DPP6: variants seen among roughly 807,000 people sequenced by gnomAD.
DPP6 encodes the protein A-type potassium channel modulatory protein DPP6.
In DPP6, 69 loss-of-function variants were observed where a neutral mutation model predicts 122.6. That is an observed-to-expected ratio of 0.56 (90% CI 0.46 to 0.69). DPP6 has a LOEUF of 0.69. Ranked by LOEUF, DPP6 falls within the 30% of genes least tolerant of loss-of-function variation. DPP6 has a pLI of 0.00. For synonymous variants in DPP6, 418 were observed against 433.1 expected (o/e 0.97, Z 0.43); for missense variants, 928 against 1,116.9 (o/e 0.83, Z 2.41).
intron 2 of DPP6, among the ~76,000 whole-genome samples, chr7:154,466,365 A>C (rs998097926): frequency 2.0e-4 from 31 of 152,210 alleles, no homozygotes; most frequent in African/African-American, 5.3e-4. Context: ...AAAAAAATAA[A>C]TAAATGCAGA....
chr7:154,552,039 C>T (rs990177012), intron 4 of DPP6, among the ~76,000 whole-genome samples: 2 of 152,156 alleles, frequency 1.3e-5, no homozygotes, highest in South Asian at 2.1e-4. Context: ...TCATTTTAGG[C>T]ATTTCAAAGG....
At chr7:154,441,678 G>A (rs949412550) in intron 1 of DPP6, among the ~76,000 whole-genome samples, 1 of 152,148 alleles carries the variant, frequency 6.6e-6, no homozygotes, top group Non-Finnish European at 1.5e-5. Flanking sequence ...AGAGGCGTGG[G>A]CTCTATCAGC....
intron 1 of DPP6, among the ~76,000 whole-genome samples, chr7:154,373,109 A>T (rs1338041191): frequency 6.6e-6 from 1 of 152,010 alleles, no homozygotes; most frequent in Admixed American, 6.6e-5. Flanking sequence ...TCTTTCATTT[A>T]AAAAAAATTC....
At chr7:153,843,883 A>C in the DPP6 span, among the ~76,000 whole-genome samples, 1 of 152,174 alleles carries the variant, frequency 6.6e-6, no homozygotes, top group Admixed American at 6.5e-5. Context: ...GTCAGACCAG[A>C]AATTCTCGGA....
At chr7:154,772,304 G>T (rs1023163382) in intron 9 of DPP6, among the ~76,000 whole-genome samples, 6 of 152,150 alleles carry the variant, frequency 3.9e-5, no homozygotes, top group Non-Finnish European at 7.3e-5. Flanking sequence ...GGGTGGAAGT[G>T]AGAACATCAG....
rs149850573 is a variant in DPP6, at chr7:154,198,267, G to C, written c.243+145204G>C. Among the ~76,000 whole-genome samples, 1,091 of 152,184 alleles carry C rather than the reference G, an allele frequency of 7.2e-3. 8 individuals carry two copies. Among genetic ancestry groups the C allele is most frequent in the African/African-American group, 0.025 (1,024 of 41,520 alleles). On this transcript the variant is annotated intron_variant, in intron 1 of 25. Coordinates refer to ENST00000377770, the MANE Select transcript of DPP6 (RefSeq NM_130797.4). ...TGTCTTACTACTACAGAGGGTGAGA[G>C]ACTGGACAAAGGGGCCCTCAGTGTA...
chr7:154,648,633 C>T (rs1461532417), intron 6 of DPP6, among the ~76,000 whole-genome samples: 1 of 151,998 alleles, frequency 6.6e-6, no homozygotes, highest in African/African-American at 2.4e-5. Context: ...AAAAATCACG[C>T]TTTCGGCCGG....
At chr7:154,856,831 G>A (rs1052619548) in intron 17 of DPP6, among the ~76,000 whole-genome samples, 8 of 152,262 alleles carry the variant, frequency 5.3e-5, no homozygotes, top group South Asian at 2.1e-4. Flanking sequence ...GGGACCCAGC[G>A]GCTTAAGAAA....
At chr7:154,423,683 G>T (rs1982860) in intron 1 of DPP6, among the ~76,000 whole-genome samples, 12 of 152,146 alleles carry the variant, frequency 7.9e-5, no homozygotes, top group Non-Finnish European at 1.5e-4. Flanking sequence ...CAGACAAAAA[G>T]GAATAAGCAA....
rs140334219 is a variant in DPP6, at chr7:154,652,861, C to T, written c.680+14988C>T. ...CTCCCTGAGTCGGAGCTGATACCAG[C>T]GAACGGCTTCAGAAAGTAAAAAACA... On this transcript the variant is annotated intron_variant, in intron 6 of 25. Coordinates refer to ENST00000377770, the MANE Select transcript of DPP6 (RefSeq NM_130797.4). Among the ~76,000 whole-genome samples the T allele has an allele frequency of 5.2e-3, 788 of 152,136 alleles. 3 individuals are homozygous for T. Among genetic ancestry groups the T allele is most frequent in the Middle Eastern group, 0.01 (3 of 292 alleles).
At chr7:153,934,298 C>T (rs1563023061) in intron 1 of DPP6, among the ~76,000 whole-genome samples, 1 of 151,852 alleles carries the variant, frequency 6.6e-6, no homozygotes, top group Non-Finnish European at 1.5e-5. Flanking sequence ...ATGTAGCCTT[C>T]GAGGGAATGT....
intron 1 of DPP6, among the ~76,000 whole-genome samples, chr7:154,340,464 C>T (rs1345293757): frequency 1.3e-5 from 2 of 152,200 alleles, no homozygotes; most frequent in East Asian, 3.9e-4. Flanking sequence ...TGAAGGAAAG[C>T]CCTTCATTCT....
chr7:153,782,074 A>AACG, the DPP6 span, among the ~76,000 whole-genome samples: 1 of 150,226 alleles, frequency 6.7e-6, no homozygotes, highest in Non-Finnish European at 1.5e-5. Flanking sequence ...GGTAGACACC[A>AACG]TGGTTTTCTC....
At chr7:154,090,927 T>C (rs961999551) in intron 1 of DPP6, among the ~76,000 whole-genome samples, 58 of 149,452 alleles carry the variant, frequency 3.9e-4, no homozygotes, top group Admixed American at 1.8e-3. Flanking sequence ...GAGACCATCC[T>C]GGCTAACACA....
chr7:153,781,290 G>C, the DPP6 span, among the ~76,000 whole-genome samples: 11 of 152,268 alleles, frequency 7.2e-5, no homozygotes, highest in South Asian at 2.1e-3. Flanking sequence ...ATGAGAAATA[G>C]CCCTGAAATT....
chr7:154,205,882 G>A (rs1313848385), intron 1 of DPP6, among the ~76,000 whole-genome samples: 1 of 152,196 alleles, frequency 6.6e-6, no homozygotes, highest in Non-Finnish European at 1.5e-5. Context: ...CACTGGAGCA[G>A]CCGTGGCCTC....
intron 1 of DPP6, among the ~76,000 whole-genome samples, chr7:153,987,736 T>C (rs1796923339): frequency 1.3e-5 from 2 of 152,110 alleles, no homozygotes; most frequent in African/African-American, 4.8e-5. Flanking sequence ...ACTTTCTCCA[T>C]CTGTTTCCCC....
At chr7:153,904,839 A>G (rs528850702) in intron 1 of DPP6, among the ~76,000 whole-genome samples, 9 of 152,352 alleles carry the variant, frequency 5.9e-5, no homozygotes, top group African/African-American at 1.4e-4. Context: ...CTGAAAATCA[A>G]CTGATGAAAG....
chr7:154,348,555 G>A (rs566393269), intron 1 of DPP6, among the ~76,000 whole-genome samples: 45 of 152,140 alleles, frequency 3.0e-4, no homozygotes, highest in Non-Finnish European at 5.1e-4. Flanking sequence ...GCACGTAGAA[G>A]TCATTTTAGA....
Sources: allele counts gnomAD v4.1 joint callset (sites outside exome capture counted in the v4.1 genomes callset), GRCh38; gene constraint gnomAD v4.1.1; transcripts MANE v1.5; gene names NCBI Gene and HGNC (gene_info 2026-07-23, HGNC 2026-07-21).